The following IDNK variants were observed in gnomAD, a reference collection of about 807,000 sequenced individuals.
IDNK encodes the protein IDNK gluconokinase.
In IDNK, 9 loss-of-function variants were observed where a neutral mutation model predicts 13.0. That is an observed-to-expected ratio of 0.69 (90% CI 0.42 to 1.21). The LOEUF is 1.21. Ranked by LOEUF, IDNK falls within the 50% of genes most tolerant of loss-of-function variation. The probability of loss-of-function intolerance (pLI) is 0.00; values close to 1 mark genes in which losing one functional copy is unlikely to be tolerated. For synonymous variants in IDNK, 92 were observed against 94.9 expected (o/e 0.97, Z 0.18); for missense variants, 210 against 237.8 (o/e 0.88, Z 0.77).
intron 1 of IDNK, among the ~76,000 whole-genome samples, chr9:83,625,648 C>A (rs1830828747): frequency 6.6e-6 from 1 of 152,124 alleles, no homozygotes; most frequent in Non-Finnish European, 1.5e-5. Context: ...CTTTGTGAAC[C>A]CCTATTGGAG....
intron 2 of IDNK, 26 bp from the exon 3 acceptor site, chr9:83,628,847 T>A (rs771864825): frequency 1.7e-5 from 27 of 1,558,598 alleles, no homozygotes; most frequent in Non-Finnish European, 2.4e-5. Flanking sequence ...GCCTGCCACA[T>A]ACACCCTTTC....
At chr9:83,633,708 G>A (rs986675675) in intron 3 of IDNK, among the ~76,000 whole-genome samples, 4 of 151,998 alleles carry the variant, frequency 2.6e-5, no homozygotes, top group African/African-American at 9.7e-5. Flanking sequence ...AATTATATAC[G>A]ATCCCCACTT....
intron 1 of IDNK, chr9:83,626,486 G>A (rs1020497473): frequency 5.4e-5 from 20 of 372,104 alleles, no homozygotes; most frequent in African/African-American, 3.4e-4. Flanking sequence ...GCGTGATCTC[G>A]GCTCACTGCA....
intron 1 of IDNK, among the ~76,000 whole-genome samples, chr9:83,626,219 C>T (rs543958562): frequency 1.3e-5 from 2 of 152,230 alleles, no homozygotes; most frequent in Admixed American, 6.5e-5. Context: ...TATTTTTGGG[C>T]CCAGCACTGT....
In IDNK at chr9:83,643,561, T is replaced by C; in HGVS notation, c.345T>C (p.Ala115=). Residue 115 remains alanine, a synonymous_variant, in exon 5 of 5, where the codon GCT becomes GCC. Transcript: ENST00000376419. ...AGTCGGGAAAGGAAGCAAAGCAGGC[T>C]GAGATGCAGCTCCTGGTGGTCCATC... is the stretch of plus-strand genomic sequence containing the variant. ...CEESGKEAKQ[A]EMQLLVVHLS... is the part of the protein sequence containing the mutation. 8.1e-6 allele frequency: 13 copies of C among 1,613,940 alleles called. No homozygotes were observed. Among genetic ancestry groups the C allele is most frequent in the Non-Finnish European group, 1.0e-5 (12 of 1,179,962 alleles).
At chr9:83,642,318 A>C (rs1389164029) in intron 4 of IDNK, among the ~76,000 whole-genome samples, 3 of 152,190 alleles carry the variant, frequency 2.0e-5, no homozygotes, top group African/African-American at 7.2e-5. Context: ...AATATACTTA[A>C]ATGAACATAA....
chr9:83,633,665 C>G (rs908704701), intron 3 of IDNK, among the ~76,000 whole-genome samples: 1 of 152,136 alleles, frequency 6.6e-6, no homozygotes, highest in South Asian at 2.1e-4. Context: ...TAGTTTATTC[C>G]TTTTCTTATT....
chr9:83,624,265 G>C (rs1451291048), intron 1 of IDNK, among the ~76,000 whole-genome samples: 2 of 152,180 alleles, frequency 1.3e-5, no homozygotes, highest in African/African-American at 4.8e-5. Context: ...CCTAGGTCTT[G>C]GTTCTGTTGC....
intron 3 of IDNK, among the ~76,000 whole-genome samples, chr9:83,630,839 G>C (rs1002405762): frequency 6.6e-6 from 1 of 152,040 alleles, no homozygotes; most frequent in Admixed American, 6.5e-5. Context: ...GGATTGGGGG[G>C]TAGAATTCAG....
At position 83,623,151 on chromosome 9, in the gene IDNK, G is replaced by A; in HGVS notation, c.-21G>A. ...GGCCGGCGGGGCCCGGAAGGCGACG[G>A]GAAGGAGCCGAGCTTGGGTTATGGC... On this transcript the variant is annotated 5_prime_UTR_variant, in exon 1 of 5. Coordinates refer to ENST00000376419, the MANE Select transcript of IDNK (RefSeq NM_001001551.4). 2 of 1,415,930 alleles carry A rather than the reference G, an allele frequency of 1.4e-6. No homozygotes were observed. The highest frequency in any genetic ancestry group is 3.4e-5 in the Admixed American group (1 of 29,644). The allele number at this position is 1,415,930 out of a possible 1,614,324, so 87.7% of individuals were successfully genotyped here.
Position 83,628,183 on chromosome 9 carries a change from C to G in IDNK, c.53C>G (p.Ser18Cys). The G allele has an allele frequency of 6.4e-7, 1 of 1,550,526 alleles. No individual in the cohort carries two copies. Among genetic ancestry groups the G allele is most frequent in the South Asian group, 1.2e-5 (1 of 84,054 alleles). The change falls in exon 2 of 5, where the codon TCC (serine) becomes TGC (cysteine). Residue 18 changes from serine (S) to cysteine (C), a missense_variant and splice_region_variant. Transcript: ENST00000376419. ...LVMGVSGSGKSTVGALLASEL... is the reference protein window; with the variant it reads ...LVMGVSGSGKCTVGALLASEL... ...GAACATCTGTGTCCTCTCCACAGAT[C>G]CACCGTGGGCGCCCTGCTGGCATCT...
chr9:83,640,998 G>C (rs1404506317), intron 3 of IDNK, among the ~76,000 whole-genome samples: 4 of 152,152 alleles, frequency 2.6e-5, no homozygotes, highest in Admixed American at 2.6e-4. Context: ...ATTTGCGCCA[G>C]GAAGGAGAGA....
chr9:83,631,004 A>T (rs1340483341), intron 3 of IDNK, among the ~76,000 whole-genome samples: 3 of 152,202 alleles, frequency 2.0e-5, no homozygotes, highest in Non-Finnish European at 4.4e-5. Flanking sequence ...TACATTCTCA[A>T]GAGGTAGAAC....
At chr9:83,629,689 A>G (rs1830959834) in intron 3 of IDNK, among the ~76,000 whole-genome samples, 1 of 152,176 alleles carries the variant, frequency 6.6e-6, no homozygotes, top group Non-Finnish European at 1.5e-5. Context: ...GTGCCATTTC[A>G]TTGTTGCACT....
intron 1 of IDNK, among the ~76,000 whole-genome samples, chr9:83,625,448 G>C (rs545736298): frequency 6.6e-6 from 1 of 152,324 alleles, no homozygotes; most frequent in East Asian, 1.9e-4. Flanking sequence ...TGTACTTAAA[G>C]ATCTAAGGTG....
intron 1 of IDNK, among the ~76,000 whole-genome samples, chr9:83,624,704 T>TGG (rs1830798899): frequency 1.8e-5 from 2 of 109,554 alleles, no homozygotes; most frequent in Admixed American, 2.0e-4. Flanking sequence ...TTAGCTTCTT[T>TGG]TGTTTTTTTT....
intron 3 of IDNK, among the ~76,000 whole-genome samples, chr9:83,637,028 T>C (rs1308792051): frequency 1.3e-5 from 2 of 152,232 alleles, no homozygotes; most frequent in African/African-American, 4.8e-5. Flanking sequence ...GTTTCATTTG[T>C]TAAGTACATT....
chr9:83,641,239 C>T (rs917658160), intron 3 of IDNK, among the ~76,000 whole-genome samples: 3 of 151,990 alleles, frequency 2.0e-5, no homozygotes, highest in African/African-American at 7.3e-5. Context: ...ACAGGCAGTA[C>T]AATAAAAGAT....
chr9:83,633,515 T>C (rs1031936003), intron 3 of IDNK, among the ~76,000 whole-genome samples: 2 of 152,194 alleles, frequency 1.3e-5, no homozygotes, highest in Admixed American at 1.3e-4. Context: ...CAGTGCTCAC[T>C]CAGTATGGTG....
Sources: allele counts gnomAD v4.1 joint callset (sites outside exome capture counted in the v4.1 genomes callset), GRCh38; gene constraint gnomAD v4.1.1; transcripts MANE v1.5; gene names NCBI Gene and HGNC (gene_info 2026-07-23, HGNC 2026-07-21).